The following CEP295 variants were observed in gnomAD, a reference collection of about 807,000 sequenced individuals.
The protein encoded by CEP295 is centrosomal protein 295, also known as centrosomal protein of 295 kDa.
CEP295 carries 190 observed loss-of-function variants against 291.6 expected under a neutral mutation model. The ratio of observed to expected loss-of-function variants is 0.65; its 90% CI spans 0.58 to 0.73. CEP295 has a LOEUF of 0.73. Ranked by LOEUF, CEP295 falls within the 30% of genes least tolerant of loss-of-function variation. The pLI, the probability that CEP295 is intolerant of heterozygous loss-of-function variation, is 0.00. For synonymous variants in CEP295, 993 were observed against 1,038.8 expected (o/e 0.96, Z 0.85); for missense variants, 2,863 against 2,949.4 (o/e 0.97, Z 0.68).
intron 1 of CEP295, among the ~76,000 whole-genome samples, chr11:93,663,530 A>G (rs758850610): frequency 6.6e-6 from 1 of 152,228 alleles, no homozygotes. Context: ...ATTGACAAAA[A>G]TTGAATACTG....
At chr11:93,702,681 CT>C in intron 16 of CEP295, 44 bp downstream of exon 16, 3 of 1,529,656 alleles carry the variant, frequency 2.0e-6, no homozygotes, top group Non-Finnish European at 2.6e-6. Context: ...CTGATTATTC[CT>C]TGTTTTCGTC....
Position 93,698,845 on chromosome 11 carries a change from C to G in CEP295, c.3933C>G (p.Ile1311Met), listed in dbSNP as rs1951985716. 6.4e-7 allele frequency: 1 copy of G among 1,551,626 alleles called. No individual in the cohort carries two copies. Among genetic ancestry groups the G allele is most frequent in the South Asian group, 1.2e-5 (1 of 84,070 alleles). ...TAGCTTCAGCTGAGTCTGGCACAAT[C>G]CTGGAACCTCTTTTTACAGAGAGTG... ...TSLASAESGTILEPLFTESES... is the reference protein window; with the variant it reads ...TSLASAESGTMLEPLFTESES... Residue 1311 changes from isoleucine (I) to methionine (M), a missense_variant, in exon 15 of 30, where the codon ATC becomes ATG. By Grantham distance (10) the Ile-to-Met change is conservative. Coordinates refer to ENST00000325212, the MANE Select transcript of CEP295 (RefSeq NM_033395.2).
intron 19 of CEP295, chr11:93,721,639 A>G (rs773850953): frequency 4.0e-6 from 3 of 743,158 alleles, no homozygotes; most frequent in Non-Finnish European, 7.4e-6. Context: ...CTATAAAACA[A>G]TGTAAAACAA....
chr11:93,704,229 C>G (rs1416208389), intron 17 of CEP295, among the ~76,000 whole-genome samples: 1 of 151,858 alleles, frequency 6.6e-6, no homozygotes, highest in African/African-American at 2.4e-5. Flanking sequence ...GAAGTTGTAT[C>G]CCCATTAGTA....
intron 18 of CEP295, among the ~76,000 whole-genome samples, chr11:93,717,077 G>T (rs1591130613): frequency 6.6e-6 from 1 of 152,208 alleles, no homozygotes; most frequent in South Asian, 2.1e-4. Context: ...ACTTTTCCTG[G>T]GTCTGGGCTG....
chr11:93,663,107 A>C (rs1331820889), intron 1 of CEP295, among the ~76,000 whole-genome samples: 2 of 152,246 alleles, frequency 1.3e-5, no homozygotes, highest in Non-Finnish European at 2.9e-5. Flanking sequence ...CTTTGACATG[A>C]GAATGTAACT....
At chr11:93,721,262 A>G (rs1416218249) in intron 18 of CEP295, 50 bp from the exon 19 acceptor site, 2 of 1,031,776 alleles carry the variant, frequency 1.9e-6, no homozygotes, top group Admixed American at 2.0e-5. Context: ...GATTTGTCTT[A>G]TCCCAACTAT....
rs2298707 is a variant in CEP295 at position 93,698,721 on chromosome 11, C to G, written c.3809C>G (p.Ala1270Gly). Residue 1270 changes from alanine to glycine, a missense_variant, in exon 15 of 30, where the codon GCC (alanine) becomes GGC (glycine). This residue lies in a region of CEP295 where 2,295 missense variants were observed against 2,335.7 expected (regional missense o/e 0.98). Coordinates refer to ENST00000325212, the MANE Select transcript of CEP295 (RefSeq NM_033395.2). ...GCATGGCTAGACACTGAGAAAGAAG[C>G]CTTTCATTTCAGCCAGAAAACCCAA... is the stretch of plus-strand genomic sequence containing the variant. ...HQAWLDTEKE[A>G]FHFSQKTQEN... is the part of the protein sequence containing the mutation. 2.2e-3 allele frequency: 3,405 copies of G among 1,551,502 alleles called. 99 individuals are homozygous for G. In the East Asian group the frequency reaches 0.068, roughly 31 times the overall value.
intron 6 of CEP295, 126 bp downstream of exon 6, chr11:93,675,792 C>CG (rs1555098763): frequency 3.2e-5 from 17 of 536,560 alleles, no homozygotes; most frequent in Non-Finnish European, 4.6e-5. Flanking sequence ...TAATAATAAT[C>CG]AAAACCTTTT....
chr11:93,666,380 G>C (rs1277265205), intron 1 of CEP295, among the ~76,000 whole-genome samples: 3 of 152,120 alleles, frequency 2.0e-5, no homozygotes, highest in Non-Finnish European at 2.9e-5. Context: ...GATCACTTGA[G>C]GCCAAGAGTT....
At chr11:93,726,098 T>C (rs1244797413) in intron 23 of CEP295, among the ~76,000 whole-genome samples, 8 of 152,040 alleles carry the variant, frequency 5.3e-5, no homozygotes, top group African/African-American at 1.2e-4. Flanking sequence ...TTAAGTATTA[T>C]TTTTTTGTTT....
At chr11:93,682,109 A>C (rs1475358104) in intron 7 of CEP295, among the ~76,000 whole-genome samples, 2 of 152,226 alleles carry the variant, frequency 1.3e-5, no homozygotes, top group East Asian at 3.8e-4. Context: ...AAGTTCATTT[A>C]TAATTTTCCT....
intron 2 of CEP295, 69 bp downstream of exon 2, chr11:93,666,884 G>A: frequency 1.1e-6 from 1 of 939,156 alleles, no homozygotes; most frequent in East Asian, 2.7e-5. Context: ...TTTTACATTA[G>A]AGTGTTCTAA....
intron 7 of CEP295, 46 bp downstream of exon 7, chr11:93,679,598 A>G (rs1281039810): frequency 9.2e-6 from 14 of 1,515,514 alleles, no homozygotes; most frequent in Non-Finnish European, 1.2e-5. Flanking sequence ...GGACTTACTA[A>G]TAGCATTGCA....
In CEP295 at chr11:93,700,097, G is replaced by C. The variant is rs1246204465; in HGVS notation, c.5185G>C (p.Glu1729Gln). The C allele has an allele frequency of 6.4e-7, 1 of 1,551,684 alleles. No homozygotes were observed. ...EVLHYSQKAQ[E>Q]KLLVQRQTAL... Reference sequence around the variant, plus strand: ...TCTGCATTATAGCCAGAAAGCCCAGGAAAAATTGCTTGTACAGAGACAAAC... The same window carrying C: ...TCTGCATTATAGCCAGAAAGCCCAGCAAAAATTGCTTGTACAGAGACAAAC... Residue 1729 changes from glutamate (E) to glutamine (Q), a missense_variant, in exon 15 of 30, where the codon GAA becomes CAA. By Grantham distance (29) the Glu-to-Gln change is conservative. Coordinates refer to ENST00000325212, the MANE Select transcript of CEP295 (RefSeq NM_033395.2).
chr11:93,679,101 C>T (rs1950840399), intron 6 of CEP295, among the ~76,000 whole-genome samples: 2 of 152,124 alleles, frequency 1.3e-5, no homozygotes, highest in Admixed American at 6.5e-5. Flanking sequence ...CCTCGGCCTC[C>T]CAAAGTGCTG....
intron 23 of CEP295, 64 bp downstream of exon 23, chr11:93,725,895 A>G (rs1472834750): frequency 7.2e-7 from 1 of 1,386,976 alleles, no homozygotes; most frequent in East Asian, 2.5e-5. Context: ...TTTCCTTAGA[A>G]ATTAAGCCTA....
Position 93,728,777 on chromosome 11 carries a change from A to G in CEP295, c.7258A>G (p.Thr2420Ala). 1 of 1,549,964 alleles carries G rather than the reference A, an allele frequency of 6.5e-7. No homozygotes were observed. The highest frequency in any genetic ancestry group is 8.7e-7 in the Non-Finnish European group (1 of 1,146,604). The part of the protein sequence containing the change: ...SIAEMDFANL[T>A]LEEKSENEAK... ...TGCTGAAATGGATTTTGCAAATTTA[A>G]CCCTAGAAGAGAAGAGCGAGAATGA... is the stretch of plus-strand genomic sequence containing the variant. The change falls in exon 25 of 30, where the codon ACC (threonine) becomes GCC (alanine). Residue 2420 changes from threonine (T) to alanine (A), a missense_variant. Coordinates refer to ENST00000325212, the MANE Select transcript of CEP295 (RefSeq NM_033395.2).
chr11:93,713,228 G>A (rs544327676), intron 18 of CEP295, among the ~76,000 whole-genome samples: 68 of 152,176 alleles, frequency 4.5e-4, no homozygotes, highest in African/African-American at 1.6e-3. Flanking sequence ...AGTATGAGTA[G>A]TTTACACAAA....
Sources: allele counts gnomAD v4.1 joint callset (sites outside exome capture counted in the v4.1 genomes callset), GRCh38; gene constraint gnomAD v4.1.1; regional missense constraint gnomAD v4.1.1; transcripts MANE v1.5; gene names NCBI Gene and HGNC (gene_info 2026-07-23, HGNC 2026-07-21).